The following PGM2L1 variants were observed in gnomAD, a reference collection of about 807,000 sequenced individuals.
The protein encoded by PGM2L1 is phosphoglucomutase 2 like 1, also known as glucose 1,6-bisphosphate synthase.
PGM2L1 carries 35 observed loss-of-function variants against 73.4 expected under a neutral mutation model. That is an observed-to-expected ratio of 0.48 (90% CI 0.36 to 0.63). The LOEUF (loss-of-function observed/expected upper bound fraction) is 0.63, where lower values mean the gene tolerates loss of function less well. Among genes scored for constraint, PGM2L1 ranks in the 30% least tolerant of loss-of-function variants. The probability of loss-of-function intolerance (pLI) is 0.00; values close to 1 mark genes in which losing one functional copy is unlikely to be tolerated. For synonymous variants in PGM2L1, 225 were observed against 253.8 expected (o/e 0.89, Z 1.08); for missense variants, 570 against 742.0 (o/e 0.77, Z 2.69).
chr11:74,353,863 T>C (rs630049), intron 5 of PGM2L1, among the ~76,000 whole-genome samples: 2,020 of 26,148 alleles, frequency 0.077, 93 homozygotes, highest in East Asian at 0.16. Flanking sequence ...ACCTCCCAGA[T>C]GGGGTGGCTG....
At chr11:74,389,639 G>A (rs1863063212) in intron 1 of PGM2L1, among the ~76,000 whole-genome samples, 1 of 150,882 alleles carries the variant, frequency 6.6e-6, no homozygotes, top group South Asian at 2.1e-4. Context: ...AACAGAGATG[G>A]GGGTTTCACC....
chr11:74,355,395 A>T, intron 5 of PGM2L1: 1 of 559,022 alleles, frequency 1.8e-6, no homozygotes, highest in Non-Finnish European at 3.2e-6. Context: ...TCTACTAAAA[A>T]TACAAAAAAT....
chr11:74,366,955 T>A (rs1862669679), intron 5 of PGM2L1, among the ~76,000 whole-genome samples: 1 of 152,142 alleles, frequency 6.6e-6, no homozygotes, highest in Non-Finnish European at 1.5e-5. Context: ...AAGAGACCAA[T>A]TAGGATGCTT....
chr11:74,363,037 T>C (rs1485774615), intron 5 of PGM2L1, among the ~76,000 whole-genome samples: 1 of 152,072 alleles, frequency 6.6e-6, no homozygotes, highest in Non-Finnish European at 1.5e-5. Context: ...TAACAAACTG[T>C]CTCTCAGACC....
At chr11:74,349,786 A>G (rs1401823042) in intron 6 of PGM2L1, among the ~76,000 whole-genome samples, 4 of 152,178 alleles carry the variant, frequency 2.6e-5, no homozygotes, top group Non-Finnish European at 4.4e-5. Flanking sequence ...CTTAGATCCT[A>G]GTGACATTAA....
At chr11:74,340,924 C>T (rs1472132335) in intron 12 of PGM2L1, among the ~76,000 whole-genome samples, 1 of 151,812 alleles carries the variant, frequency 6.6e-6, no homozygotes, top group Admixed American at 6.6e-5. Flanking sequence ...ACCAAAAATG[C>T]AGAAATTTAA....
intron 5 of PGM2L1, among the ~76,000 whole-genome samples, chr11:74,366,795 G>T (rs1470684649): frequency 6.6e-6 from 1 of 152,130 alleles, no homozygotes; most frequent in Non-Finnish European, 1.5e-5. Context: ...GGCAGATTAT[G>T]CAGACTTATA....
Position 74,370,853 on chromosome 11 carries a change from A to G in PGM2L1, c.471+49T>C, listed in dbSNP as rs201247225. 28 of 1,462,586 alleles carry G rather than the reference A, an allele frequency of 1.9e-5. No individual in the cohort carries two copies. In the African/African-American group the frequency reaches 3.1e-4, roughly 16 times the overall value. The allele number at this position is 1,462,586 out of a possible 1,614,324, so 90.6% of individuals were successfully genotyped here. A position where few individuals can be genotyped will look rare whatever the true frequency, so the allele number is the denominator to read the frequency against. On this transcript the variant is annotated intron_variant, in intron 4 of 13. Transcript: ENST00000298198. ...ATTTGAATCCTAGTTGATTTAAGAAATGTTTTCAAGAGCAGCAAGCTATAT... is the reference window on the plus strand; with the variant it reads ...ATTTGAATCCTAGTTGATTTAAGAAGTGTTTTCAAGAGCAGCAAGCTATAT...
chr11:74,373,307 T>C (rs933405235), intron 2 of PGM2L1, among the ~76,000 whole-genome samples: 3 of 152,158 alleles, frequency 2.0e-5, no homozygotes, highest in Non-Finnish European at 2.9e-5. Context: ...GGGGGAGGTG[T>C]GGGTGAGGAA....
intron 1 of PGM2L1, among the ~76,000 whole-genome samples, chr11:74,376,056 T>C (rs982189860): frequency 6.6e-6 from 1 of 152,184 alleles, no homozygotes; most frequent in Admixed American, 6.5e-5. Context: ...TAAACTGGGA[T>C]AGTCTTTTTA....
At position 74,357,138 on chromosome 11, in the gene PGM2L1, C is replaced by T. The variant is rs527995631; in HGVS notation, c.556-5562G>A. ...TGCTGGGATTACAGGTGTGAGCCACCGTGCCCAGCCGGCAATAACTTCTTA... is the reference window on the plus strand; with the variant it reads ...TGCTGGGATTACAGGTGTGAGCCACTGTGCCCAGCCGGCAATAACTTCTTA... On this transcript the variant is annotated intron_variant, in intron 5 of 13. Transcript: ENST00000298198. 1.1e-3 allele frequency among the ~76,000 whole-genome samples: 171 copies of T among 152,154 alleles called. 1 individual carries two copies. The highest frequency in any genetic ancestry group is 2.1e-3 in the Non-Finnish European group (140 of 67,996).
At chr11:74,369,676 G>C (rs891605065) in intron 4 of PGM2L1, among the ~76,000 whole-genome samples, 4 of 152,194 alleles carry the variant, frequency 2.6e-5, no homozygotes, top group African/African-American at 9.7e-5. Context: ...GCACAGAAAA[G>C]ATGCTTGCTT....
At chr11:74,381,573 T>TC (rs1565444939) in intron 1 of PGM2L1, among the ~76,000 whole-genome samples, 1 of 15,944 alleles carries the variant, frequency 6.3e-5, no homozygotes. Context: ...GTTTTTGTCT[T>TC]TTTTTTTTTT....
At chr11:74,380,492 A>C (rs963506722) in intron 1 of PGM2L1, among the ~76,000 whole-genome samples, 1 of 152,010 alleles carries the variant, frequency 6.6e-6, no homozygotes, top group Non-Finnish European at 1.5e-5. Context: ...CATCATATAA[A>C]ATGAGATTTA....
chr11:74,345,551 A>C lies in PGM2L1; in HGVS notation c.1136T>G (p.Val379Gly). 1 of 1,613,486 alleles carries C rather than the reference A, an allele frequency of 6.2e-7. No individual in the cohort carries two copies. Among genetic ancestry groups the C allele is most frequent in the Non-Finnish European group, 8.5e-7 (1 of 1,179,472 alleles). ...WKKNKSRNAD[V>G]KNVYMLATTV... ...GGTGGCTAACATATAAACGTTCTTCACATCAGCATTTCTTGATTTATTTTT... is the reference window on the plus strand; with the variant it reads ...GGTGGCTAACATATAAACGTTCTTCCCATCAGCATTTCTTGATTTATTTTT... The change falls in exon 9 of 14, where the codon GTG becomes GGG. Residue 379 changes from valine (V) to glycine (G), a missense_variant. By Grantham distance (109) the Val-to-Gly change is moderately radical. Transcript: ENST00000298198.
intron 1 of PGM2L1, among the ~76,000 whole-genome samples, chr11:74,383,824 A>AT (rs1862982924): frequency 2.5e-5 from 3 of 121,836 alleles, no homozygotes; most frequent in African/African-American, 7.0e-5. Context: ...TATATAAATA[A>AT]ATATATATAT....
chr11:74,376,987 T>C (rs1862863857), intron 1 of PGM2L1, among the ~76,000 whole-genome samples: 1 of 152,164 alleles, frequency 6.6e-6, no homozygotes, highest in Admixed American at 6.6e-5. Flanking sequence ...CCTAAAAAAC[T>C]ATCTATGCAG....
intron 13 of PGM2L1, 70 bp from the exon 14 acceptor site, chr11:74,336,824 ATT>A: frequency 9.5e-7 from 1 of 1,056,222 alleles, no homozygotes; most frequent in Non-Finnish European, 1.4e-6. Flanking sequence ...AATTAGTGTG[ATT>A]TTTTAAGAGG....
At chr11:74,391,622 C>A (rs1863103047) in intron 1 of PGM2L1, among the ~76,000 whole-genome samples, 2 of 152,000 alleles carry the variant, frequency 1.3e-5, no homozygotes, top group African/African-American at 4.8e-5. Context: ...CTTATTTAAT[C>A]AAAAAACATT....
Sources: allele counts gnomAD v4.1 joint callset (sites outside exome capture counted in the v4.1 genomes callset), GRCh38; gene constraint gnomAD v4.1.1; transcripts MANE v1.5; gene names NCBI Gene and HGNC (gene_info 2026-07-23, HGNC 2026-07-21).